The following GPC4 variants were observed in gnomAD, a reference collection of about 807,000 sequenced individuals.
GPC4 encodes glypican-4.
Under a neutral mutation model 35.0 loss-of-function variants are expected in GPC4, and 10 were observed. That is an observed-to-expected ratio of 0.29 (90% confidence interval 0.18 to 0.48). GPC4 has a LOEUF of 0.48. GPC4 is among the 20% of genes least tolerant of loss of function. GPC4 has a pLI of 0.99. For missense variants in GPC4, 322 were observed against 451.3 expected (o/e 0.71, Z 2.60); for synonymous variants, 167 against 170.2 (o/e 0.98, Z 0.15).
intron 1 of GPC4, among the ~76,000 whole-genome samples, chrX:133,372,466 C>A (rs2068617021): frequency 9.1e-6 from 1 of 110,435 alleles, no homozygotes; most frequent in South Asian, 4.0e-4. Context: ...TTTCTACTCA[C>A]CCACCACCAT....
intron 1 of GPC4, among the ~76,000 whole-genome samples, chrX:133,350,903 T>A (rs920020529): frequency 1.8e-5 from 2 of 112,045 alleles, no homozygotes; most frequent in African/African-American, 6.5e-5. Context: ...ATACTCCCCA[T>A]CGTTTTGCAA....
chrX:133,373,663 G>A (rs971497582), intron 1 of GPC4, among the ~76,000 whole-genome samples: 1 of 111,706 alleles, frequency 9.0e-6, no homozygotes, highest in African/African-American at 3.3e-5. Context: ...CGGGGTTGTA[G>A]AAAGTCAGAG....
rs755188493 is a variant in GPC4, at chrX:133,381,679, G to C, written c.160+33127C>G. Among the ~76,000 whole-genome samples the C allele has an allele frequency of 3.6e-5, 4 of 112,649 alleles. No individual in the cohort carries two copies. The South Asian group carries it at 1.5e-3, about 42-fold the overall frequency. On this transcript the variant is annotated intron_variant, in intron 1 of 8. Coordinates refer to ENST00000370828, the MANE Select transcript of GPC4 (RefSeq NM_001448.3). ...TGTATTTCTTAACCATTTAGCATGTGTGAAACTGTGCTCCTAAGTTTCTTT... is the reference window on the plus strand; with the variant it reads ...TGTATTTCTTAACCATTTAGCATGTCTGAAACTGTGCTCCTAAGTTTCTTT...
At chrX:133,321,861 A>G (rs1455392248) in intron 3 of GPC4, among the ~76,000 whole-genome samples, 1 of 111,983 alleles carries the variant, frequency 8.9e-6, no homozygotes, top group Non-Finnish European at 1.9e-5. Flanking sequence ...GCAATTTACG[A>G]TGAAAATATC....
intron 1 of GPC4, among the ~76,000 whole-genome samples, chrX:133,343,742 T>C (rs1389946649): frequency 1.8e-5 from 2 of 111,469 alleles, no homozygotes; most frequent in Non-Finnish European, 3.8e-5. Context: ...GAGCCAAACT[T>C]TTTTCAATCA....
At chrX:133,370,887 G>A (rs1260593452) in intron 1 of GPC4, among the ~76,000 whole-genome samples, 1 of 112,010 alleles carries the variant, frequency 8.9e-6, no homozygotes, top group African/African-American at 3.2e-5. Context: ...ATTACTCTGT[G>A]AAGTGAAGCA....
At chrX:133,360,172 AAC>A (rs1408733637) in intron 1 of GPC4, among the ~76,000 whole-genome samples, 3 of 111,571 alleles carry the variant, frequency 2.7e-5, no homozygotes, top group Non-Finnish European at 3.8e-5. Context: ...GCGTGCTAAA[AAC>A]ACAACAGAAA....
At chrX:133,320,894 C>G (rs2124117527) in intron 3 of GPC4, among the ~76,000 whole-genome samples, 1 of 109,118 alleles carries the variant, frequency 9.2e-6, no homozygotes, top group South Asian at 4.0e-4. Flanking sequence ...AAAAATTACC[C>G]AGGCATGATG....
At chrX:133,393,671 A>T (rs2068730042) in intron 1 of GPC4, among the ~76,000 whole-genome samples, 1 of 111,212 alleles carries the variant, frequency 9.0e-6, no homozygotes, top group Non-Finnish European at 1.9e-5. Context: ...AAAGAAAGAA[A>T]AAAAAAGAAA....
intron 1 of GPC4, among the ~76,000 whole-genome samples, chrX:133,359,413 AAGC>A (rs968809871): frequency 5.4e-5 from 6 of 111,036 alleles, no homozygotes; most frequent in African/African-American, 2.0e-4. Flanking sequence ...GCAGAAGAAA[AAGC>A]AGTGGTGATT....
intron 1 of GPC4, among the ~76,000 whole-genome samples, chrX:133,386,234 CAAAAAA>C (rs1297804504): frequency 2.8e-5 from 1 of 36,094 alleles, no homozygotes; most frequent in Non-Finnish European, 5.9e-5. Flanking sequence ...GACCCTGTCT[CAAAAAA>C]AAAAAAAAAA....
At chrX:133,397,054 C>A (rs2068746658) in intron 1 of GPC4, among the ~76,000 whole-genome samples, 1 of 112,045 alleles carries the variant, frequency 8.9e-6, no homozygotes, top group Non-Finnish European at 1.9e-5. Flanking sequence ...TAGAAGCAAC[C>A]AAGAAAATCT....
Position 133,379,412 on chromosome X carries a change from G to T in GPC4, c.160+35394C>A, listed in dbSNP as rs181679475. Among the ~76,000 whole-genome samples the T allele has an allele frequency of 5.4e-4, 61 of 112,053 alleles. No individual in the cohort carries two copies. The South Asian group carries it at 8.3e-3, about 15-fold the overall frequency. On this transcript the variant is annotated intron_variant, in intron 1 of 8. Transcript: ENST00000370828. ...GATTAGTGGTTGCCAGGGGCTGGGGGGAGGCAGGAATGAGAAGTGGTGTCT... is the reference window on the plus strand; with the variant it reads ...GATTAGTGGTTGCCAGGGGCTGGGGTGAGGCAGGAATGAGAAGTGGTGTCT...
intron 1 of GPC4, among the ~76,000 whole-genome samples, chrX:133,345,541 C>T (rs1220854961): frequency 8.9e-6 from 1 of 112,306 alleles, no homozygotes; most frequent in African/African-American, 3.2e-5. Context: ...GGTGTGTAAA[C>T]AGACTGTAAC....
intron 7 of GPC4, among the ~76,000 whole-genome samples, chrX:133,303,907 A>G (rs377239714): frequency 2.2e-5 from 2 of 91,624 alleles, no homozygotes; most frequent in African/African-American, 4.2e-5. Flanking sequence ...CTGTTGGAGG[A>G]AGGAAGGAAG....
At chrX:133,368,757 G>A (rs755703571) in intron 1 of GPC4, among the ~76,000 whole-genome samples, 2 of 110,332 alleles carry the variant, frequency 1.8e-5, no homozygotes, top group East Asian at 2.9e-4. Context: ...ACATTCTCCT[G>A]CCTCAGCCTC....
In GPC4 at chrX:133,302,997, T is replaced by C. The variant is rs927768064; in HGVS notation, c.1541A>G (p.Asn514Ser). Residue 514 changes from asparagine (N) to serine (S), a missense_variant, in exon 9 of 9, where the codon AAT (asparagine) becomes AGT (serine). Asn to Ser is a conservative substitution (Grantham distance 46). Around this residue, in one of 3 missense-constraint regions of GPC4, gnomAD observed 99 missense variants for 110.0 expected, o/e 0.90. Coordinates refer to ENST00000370828, the MANE Select transcript of GPC4 (RefSeq NM_001448.3). ...YQQCPSEFDY[N>S]ATDHAGKSAN... ...ACTCTTCCCAGCATGGTCAGTGGCA[T>C]TGTAGTCAAACTCTGAAGGGCACTG... The C allele has an allele frequency of 1.8e-5, 22 of 1,209,563 alleles. No homozygotes were observed. Among genetic ancestry groups the C allele is most frequent in the African/African-American group, 3.5e-5 (2 of 57,041 alleles).
chrX:133,306,224 A>T (rs1324685308), intron 4 of GPC4, 70 bp from the exon 5 acceptor site: 3 of 1,126,601 alleles, frequency 2.7e-6, no homozygotes, highest in Non-Finnish European at 3.6e-6. Flanking sequence ...TGGGTAAATC[A>T]ATCTGATTTT....
intron 1 of GPC4, among the ~76,000 whole-genome samples, chrX:133,388,188 T>C (rs1328882858): frequency 8.9e-6 from 1 of 112,128 alleles, no homozygotes; most frequent in Admixed American, 9.4e-5. Flanking sequence ...CTTTAAAAGC[T>C]TCACGGTGAA....
Sources: gnomAD v4.1 joint callset for allele counts (sites outside exome capture counted in the v4.1 genomes callset) on GRCh38, gnomAD v4.1.1 for gene constraint, gnomAD v4.1.1 regional missense constraint, MANE v1.5 for transcripts, NCBI Gene and HGNC (gene_info 2026-07-23, HGNC 2026-07-21) for gene names.